Variants in MYH15 observed in about 807,000 individuals in gnomAD.
The protein encoded by MYH15 is myosin heavy chain 15.
Under a neutral mutation model 240.5 loss-of-function variants are expected in MYH15, and 227 were observed. The observed-to-expected ratio is 0.94, with a 90% CI of 0.85 to 1.05. MYH15 has a LOEUF of 1.05. Among genes scored for constraint, MYH15 ranks in the 50% least tolerant of loss-of-function variants. The probability of loss-of-function intolerance (pLI) is 0.00; values close to 1 mark genes in which losing one functional copy is unlikely to be tolerated. For missense variants in MYH15, 2,217 were observed against 2,247.5 expected (o/e 0.99, Z 0.27); for synonymous variants, 785 against 796.7 (o/e 0.99, Z 0.25).
At chr3:108,413,022 C>G (rs998012051) in intron 30 of MYH15, among the ~76,000 whole-genome samples, 7 of 152,196 alleles carry the variant, frequency 4.6e-5, no homozygotes, top group African/African-American at 7.2e-5. Context: ...TACTACAGAA[C>G]TAGTTCCAAC....
chr3:108,389,161 CAA>C (rs1157109916), intron 37 of MYH15, 87 bp from the exon 38 acceptor site: 17 of 1,199,594 alleles, frequency 1.4e-5, no homozygotes, highest in Middle Eastern at 1.9e-4. Flanking sequence ...TGAAAGACAG[CAA>C]AGTGTCAAGG....
At chr3:108,408,244 A>T in intron 32 of MYH15, 36 bp downstream of exon 32, 1 of 1,590,582 alleles carries the variant, frequency 6.3e-7, no homozygotes, top group South Asian at 1.2e-5. Context: ...CTGCCTTGTC[A>T]CAGTGAAAAC....
Position 108,383,640 on chromosome 3 carries a change from A to T in MYH15, c.5721T>A (p.Ser1907=). The change falls in exon 40 of 41, where the codon TCT becomes TCA. Residue 1907 remains serine (S), a synonymous_variant. Coordinates refer to ENST00000693548, the MANE Select transcript of MYH15 (RefSeq NM_014981.3). ...CTTTAATTTTGAGTTTATTGACTTGAGATTCTGCCACCTCTGCCCTTTCCT... is the reference window on the plus strand; with the variant it reads ...CTTTAATTTTGAGTTTATTGACTTGTGATTCTGCCACCTCTGCCCTTTCCT... ...EVKERAEVAE[S]QVNKLKIKAR... 6.2e-7 allele frequency: 1 copy of T among 1,612,992 alleles called. No individual in the cohort carries two copies. Among genetic ancestry groups the T allele is most frequent in the Non-Finnish European group, 8.5e-7 (1 of 1,179,620 alleles).
intron 6 of MYH15, among the ~76,000 whole-genome samples, chr3:108,496,449 T>G (rs766199950): frequency 2.0e-5 from 3 of 152,216 alleles, no homozygotes; most frequent in Non-Finnish European, 4.4e-5. Flanking sequence ...CATATCTACA[T>G]GGCTTTGTTG....
rs528326951 is a variant in MYH15 at position 108,459,425 on chromosome 3, T to C, written c.1957A>G (p.Asn653Asp). The change falls in exon 18 of 41, where the codon AAT becomes GAT. Residue 653 changes from asparagine (N) to aspartate (D), a missense_variant. Coordinates refer to ENST00000693548, the MANE Select transcript of MYH15 (RefSeq NM_014981.3). Reference sequence around the variant, plus strand: ...AAATGAGGTGCTGTTGATTTCAGATTAGTCATCAATTTATTCAGGTTTTCC... The same window carrying C: ...AAATGAGGTGCTGTTGATTTCAGATCAGTCATCAATTTATTCAGGTTTTCC... Reference protein sequence around the residue: ...HKENLNKLMTNLKSTAPHFVR... With the variant: ...HKENLNKLMTDLKSTAPHFVR... The C allele has an allele frequency of 5.0e-6, 8 of 1,605,316 alleles. No individual in the cohort carries two copies. Among genetic ancestry groups the C allele is most frequent in the South Asian group, 4.5e-5 (4 of 88,762 alleles).
At chr3:108,500,715 T>C (rs1180969655) in intron 3 of MYH15, among the ~76,000 whole-genome samples, 1 of 152,190 alleles carries the variant, frequency 6.6e-6, no homozygotes, top group African/African-American at 2.4e-5. Context: ...AATAGATATA[T>C]TTATGTCCTA....
At chr3:108,501,529 T>C (rs1325083260) in intron 3 of MYH15, among the ~76,000 whole-genome samples, 183 bp downstream of exon 3, 1 of 152,162 alleles carries the variant, frequency 6.6e-6, no homozygotes, top group Non-Finnish European at 1.5e-5. Context: ...TGGGAAGGCA[T>C]ATGAATGTTG....
At chr3:108,546,650 C>G in the MYH15 span, among the ~76,000 whole-genome samples, 1 of 152,054 alleles carries the variant, frequency 6.6e-6, no homozygotes, top group East Asian at 1.9e-4. Context: ...AAATAGACAA[C>G]TAAAATGTTA....
intron 38 of MYH15, among the ~76,000 whole-genome samples, chr3:108,385,914 A>G (rs1214622973): frequency 2.0e-5 from 3 of 152,034 alleles, no homozygotes; most frequent in African/African-American, 7.2e-5. Context: ...CCCCCGCCAC[A>G]CACACCACCA....
chr3:108,531,879 T>C (rs1452534625), upstream of MYH15, among the ~76,000 whole-genome samples: 1 of 152,026 alleles, frequency 6.6e-6, no homozygotes, highest in Admixed American at 6.6e-5. Flanking sequence ...ATTTGAAAAA[T>C]TAAAACTTGA....
At chr3:108,443,476 T>C (rs758116846) in intron 22 of MYH15, among the ~76,000 whole-genome samples, 8 of 152,292 alleles carry the variant, frequency 5.3e-5, no homozygotes, top group Non-Finnish European at 8.8e-5. Context: ...TAAATTATAT[T>C]TGAACACAGC....
chr3:108,427,908 C>T (rs988547273), intron 27 of MYH15, among the ~76,000 whole-genome samples: 1 of 152,178 alleles, frequency 6.6e-6, no homozygotes, highest in Non-Finnish European at 1.5e-5. Flanking sequence ...CTCTCAACTA[C>T]CAAAAGACAG....
chr3:108,405,491 C>T (rs764289787), intron 32 of MYH15, 38 bp from the exon 33 acceptor site: 27 of 1,295,052 alleles, frequency 2.1e-5, no homozygotes, highest in Non-Finnish European at 2.5e-5. Flanking sequence ...ATGAAGTCCA[C>T]TTTTAGACAA....
chr3:108,400,641 C>T (rs539720840), intron 33 of MYH15, among the ~76,000 whole-genome samples: 1 of 152,046 alleles, frequency 6.6e-6, no homozygotes, highest in African/African-American at 2.4e-5. Flanking sequence ...AAATCCCATC[C>T]CTACTAAAAA....
intron 2 of MYH15, among the ~76,000 whole-genome samples, chr3:108,502,585 T>C (rs1023116537): frequency 3.9e-5 from 6 of 152,116 alleles, no homozygotes; most frequent in African/African-American, 1.2e-4. Context: ...ATATAATAAA[T>C]AATCAATAAA....
At chr3:108,542,196 C>G in the MYH15 span, among the ~76,000 whole-genome samples, 1 of 152,048 alleles carries the variant, frequency 6.6e-6, no homozygotes, top group Non-Finnish European at 1.5e-5. Flanking sequence ...CCTGGCACCC[C>G]TATTATTTAC....
chr3:108,506,733 T>G lies in MYH15; in HGVS notation c.89-904A>C, dbSNP rs141961865. ...GACCCTTTACTCCCCCAGTCCTGTC[T>G]CTACAAAAAACAAATAAGGCAGGGC... is the stretch of plus-strand genomic sequence containing the variant. On this transcript the variant is annotated intron_variant, in intron 1 of 40. Transcript: ENST00000693548. Among the ~76,000 whole-genome samples the G allele has an allele frequency of 6.2e-3, 948 of 152,208 alleles. 19 individuals are homozygous for G. Among genetic ancestry groups the G allele is most frequent in the African/African-American group, 0.022 (902 of 41,548 alleles).
At chr3:108,509,629 G>T (rs985912692) in intron 1 of MYH15, among the ~76,000 whole-genome samples, 1 of 152,186 alleles carries the variant, frequency 6.6e-6, no homozygotes, top group Non-Finnish European at 1.5e-5. Flanking sequence ...ACGACATTCA[G>T]CCAGTCCTTA....
At chr3:108,456,379 C>T (rs1322576308) in intron 19 of MYH15, among the ~76,000 whole-genome samples, 3 of 152,158 alleles carry the variant, frequency 2.0e-5, no homozygotes, top group African/African-American at 7.2e-5. Context: ...ACTCCTGCCT[C>T]CTGCCATACA....
Sources: allele counts gnomAD v4.1 joint callset (sites outside exome capture counted in the v4.1 genomes callset), GRCh38; gene constraint gnomAD v4.1.1; transcripts MANE v1.5; gene names NCBI Gene and HGNC (gene_info 2026-07-23, HGNC 2026-07-21).